Variants in UBE2E1 observed in about 807,000 individuals in gnomAD.
The protein encoded by UBE2E1 is ubiquitin-conjugating enzyme E2 E1.
A neutral mutation model predicts 21.4 loss-of-function variants in UBE2E1; 6 were observed. The observed-to-expected ratio is 0.28, with a 90% CI of 0.15 to 0.55. The LOEUF (loss-of-function observed/expected upper bound fraction) is 0.55. Among genes scored for constraint, UBE2E1 ranks in the 20% least tolerant of loss-of-function variants. The probability of loss-of-function intolerance (pLI) is 0.93; values close to 1 mark genes in which losing one functional copy is unlikely to be tolerated. For missense variants in UBE2E1, 142 were observed against 236.5 expected, an observed-to-expected ratio of 0.60 and a Z score of 2.62; for synonymous variants, 87 against 82.7, an observed-to-expected ratio of 1.05 and a Z score of -0.28.
At chr3:23,837,045 A>G (rs1242237898) in intron 3 of UBE2E1, among the ~76,000 whole-genome samples, 1 of 152,190 alleles carries the variant, frequency 6.6e-6, no homozygotes. Context: ...CATAATAGCT[A>G]TGTAATTTGG....
In UBE2E1 at chr3:23,807,083, A is replaced by C. The variant is rs1307070214; in HGVS notation, c.-33-154A>C. 9.2e-6 allele frequency: 5 copies of C among 545,514 alleles called. No individual in the cohort carries two copies. In the African/African-American group the frequency reaches 9.6e-5, roughly 11 times the overall value. 33.8% of individuals were successfully genotyped at this position (545,514 alleles called of 1,614,324 possible). On this transcript the variant is annotated intron_variant, in intron 1 of 5. Transcript: ENST00000306627. ...AAACAAGCCGCGTCCGATTTGCAAA[A>C]GCCTTAATGGGCCTGCAGACTTTGA...
chr3:23,860,743 T>C lies in UBE2E1; in HGVS notation c.204-26824T>C, dbSNP rs190462855. 7.5e-4 allele frequency among the ~76,000 whole-genome samples: 115 copies of C among 152,338 alleles called. 1 individual carries two copies. The highest frequency in any genetic ancestry group is 4.4e-3 in the South Asian group (21 of 4,824). On this transcript the variant is annotated intron_variant, in intron 3 of 5. Transcript: ENST00000306627. ...CATCAAAATGGTGTTTTTTAAAGAA[T>C]ATGAAGCCTTATTTTTTAACTTCTT...
chr3:23,874,832 G>A (rs921185348), intron 3 of UBE2E1, among the ~76,000 whole-genome samples: 15 of 152,160 alleles, frequency 9.9e-5, no homozygotes, highest in South Asian at 8.3e-4. Context: ...AATCACTGCC[G>A]TACCCCCAAC....
intron 3 of UBE2E1, among the ~76,000 whole-genome samples, chr3:23,874,263 A>C (rs1223426092): frequency 6.6e-6 from 1 of 152,204 alleles, no homozygotes; most frequent in Non-Finnish European, 1.5e-5. Context: ...ATCCTTTTAA[A>C]ACTTTCTTTG....
In UBE2E1 at chr3:23,889,233, G is replaced by C; in HGVS notation, c.458G>C (p.Cys153Ser). 1.2e-6 allele frequency: 2 copies of C among 1,613,704 alleles called. No individual in the cohort carries two copies. The highest frequency in any genetic ancestry group is 1.7e-6 in the Non-Finnish European group (2 of 1,179,922). ...ATTTCTAAAGTCCTCCTTTCTATCT[G>C]CTCACTTCTTACAGACTGTAATCCT... ...LTISKVLLSI[C>S]SLLTDCNPAD... Residue 153 changes from cysteine to serine, a missense_variant, in exon 5 of 6, where the codon TGC becomes TCC. By Grantham distance (112) the Cys-to-Ser change is moderately radical. This residue lies in a region of UBE2E1 where 87 missense variants were observed against 184.9 expected (regional missense o/e 0.47). Coordinates refer to ENST00000306627, the MANE Select transcript of UBE2E1 (RefSeq NM_003341.5).
intron 3 of UBE2E1, among the ~76,000 whole-genome samples, chr3:23,832,573 A>T (rs1361379316): frequency 6.6e-6 from 1 of 152,024 alleles, no homozygotes; most frequent in Non-Finnish European, 1.5e-5. Flanking sequence ...TGAACCCGGG[A>T]GGTGGAGGTT....
intron 3 of UBE2E1, among the ~76,000 whole-genome samples, chr3:23,820,943 C>A (rs1169008316): frequency 6.6e-6 from 1 of 152,138 alleles, no homozygotes; most frequent in Admixed American, 6.5e-5. Flanking sequence ...AATAGAGTAA[C>A]TTGGGATGAT....
chr3:23,812,802 T>C (rs60966980), intron 3 of UBE2E1, among the ~76,000 whole-genome samples: 2,358 of 152,260 alleles, frequency 0.015, 70 homozygotes, highest in African/African-American at 0.054. Flanking sequence ...CCTTGGTTGT[T>C]TGTGTGGAAT....
chr3:23,818,583 C>G (rs1470509974), intron 3 of UBE2E1, among the ~76,000 whole-genome samples: 2 of 152,196 alleles, frequency 1.3e-5, no homozygotes, highest in African/African-American at 2.4e-5. Flanking sequence ...TGCTCTGTCT[C>G]TCTCTTATCT....
At chr3:23,813,774 C>A (rs1398814455) in intron 3 of UBE2E1, among the ~76,000 whole-genome samples, 8 of 152,168 alleles carry the variant, frequency 5.3e-5, no homozygotes, top group Admixed American at 6.5e-5. Context: ...AACTCCTGAC[C>A]TTGTGATCTG....
Position 23,810,668 on chromosome 3 carries a change from G to C in UBE2E1, c.153-792G>C, listed in dbSNP as rs951879366. ...GGGGGTGTTCGCGCCCTGCTTTCGCGCGCGGTCTCGGGCCAAGGTTCTGGG... is the reference window on the plus strand; with the variant it reads ...GGGGGTGTTCGCGCCCTGCTTTCGCCCGCGGTCTCGGGCCAAGGTTCTGGG... On this transcript the variant is annotated intron_variant, in intron 2 of 5. Coordinates refer to ENST00000306627, the MANE Select transcript of UBE2E1 (RefSeq NM_003341.5). The surrounding 1 kb of genome is among the most constrained non-coding windows in gnomAD (Gnocchi z 5.8). The C allele has an allele frequency of 1.3e-4, 103 of 791,920 alleles. No homozygotes were observed. Among genetic ancestry groups the C allele is most frequent in the Non-Finnish European group, 1.8e-4 (95 of 532,124 alleles). The allele number at this position is 791,920 out of a possible 1,614,324, so 49.1% of individuals were successfully genotyped here.
intron 3 of UBE2E1, among the ~76,000 whole-genome samples, chr3:23,845,581 C>CTGTG (rs1343231599): frequency 6.8e-4 from 33 of 48,496 alleles, no homozygotes; most frequent in Middle Eastern, 0.024. Flanking sequence ...CTCTCTCTCT[C>CTGTG]TCTCTCTCTG....
rs1309616713 is a variant in UBE2E1, at chr3:23,810,337, G to C, written c.153-1123G>C. On this transcript the variant is annotated intron_variant, in intron 2 of 5. Transcript: ENST00000306627. This position sits in a 1 kb window ranked among gnomAD's most constrained non-coding sequence, Gnocchi z 5.8. The stretch of plus-strand genomic sequence containing the variant: ...AGTGCCTAGGTAAGCAAAAGACAAA[G>C]GCCAGGGCTTGGTGTGAACTGCCTG... 1.7e-6 allele frequency: 2 copies of C among 1,196,210 alleles called. No individual in the cohort carries two copies. Among genetic ancestry groups the C allele is most frequent in the African/African-American group, 3.0e-5 (2 of 66,072 alleles). 74.1% of individuals were successfully genotyped at this position (1,196,210 alleles called of 1,614,324 possible). A position where few individuals can be genotyped will look rare whatever the true frequency, so the allele number is the denominator to read the frequency against.
At chr3:23,855,779 A>G (rs1385528500) in intron 3 of UBE2E1, among the ~76,000 whole-genome samples, 2 of 151,990 alleles carry the variant, frequency 1.3e-5, no homozygotes, top group Admixed American at 1.3e-4. Context: ...GCAGTGAGCC[A>G]AGATCATGCC....
In UBE2E1 at chr3:23,807,262, G is replaced by T; in HGVS notation, c.-8G>T. The T allele has an allele frequency of 6.2e-7, 1 of 1,610,522 alleles. No individual in the cohort carries two copies. Among genetic ancestry groups the T allele is most frequent in the South Asian group, 1.1e-5 (1 of 90,838 alleles). On this transcript the variant is annotated 5_prime_UTR_variant, in exon 2 of 6. Transcript: ENST00000306627. Reference sequence around the variant, plus strand: ...GGGCTGTTTGCGGGGTGGGGTGGGGGGTTCGCTATGTCGGATGACGATTCG... The same window carrying T: ...GGGCTGTTTGCGGGGTGGGGTGGGGTGTTCGCTATGTCGGATGACGATTCG...
chr3:23,806,754 A>T lies in UBE2E1; in HGVS notation c.-33-483A>T. On this transcript the variant is annotated intron_variant, in intron 1 of 5. Coordinates refer to ENST00000306627, the MANE Select transcript of UBE2E1 (RefSeq NM_003341.5). The surrounding 1 kb of genome is among the most constrained non-coding windows in gnomAD (Gnocchi z 6.5). Reference sequence around the variant, plus strand: ...TCCCCCTGTTTCGGCTTCCTCTCTTACTCCTTCCCGCCCCTCCTCTCTTCC... The same window carrying T: ...TCCCCCTGTTTCGGCTTCCTCTCTTTCTCCTTCCCGCCCCTCCTCTCTTCC... 8.2e-6 allele frequency: 1 copy of T among 122,264 alleles called. No individual in the cohort carries two copies. The highest frequency in any genetic ancestry group is 1.7e-5 in the Non-Finnish European group (1 of 60,424). 7.6% of individuals were successfully genotyped at this position (122,264 alleles called of 1,614,324 possible).
chr3:23,810,441 C>G lies in UBE2E1; in HGVS notation c.153-1019C>G. 6.5e-7 allele frequency: 1 copy of G among 1,535,498 alleles called. No homozygotes were observed. The highest frequency in any genetic ancestry group is 8.7e-7 in the Non-Finnish European group (1 of 1,146,516). On this transcript the variant is annotated intron_variant, in intron 2 of 5. Transcript: ENST00000306627. This position sits in a 1 kb window ranked among gnomAD's most constrained non-coding sequence, Gnocchi z 5.8. ...TGCGGAGGGAGAAAACTGCAGGTCT[C>G]CAGTCTATCCCCAGTGTGAGCTAGA...
intron 3 of UBE2E1, among the ~76,000 whole-genome samples, chr3:23,822,573 A>G (rs927553087): frequency 1.3e-5 from 2 of 152,220 alleles, no homozygotes; most frequent in African/African-American, 2.4e-5. Flanking sequence ...GCATGTTACA[A>G]GTAAATAGTG....
intron 3 of UBE2E1, among the ~76,000 whole-genome samples, chr3:23,814,545 A>G (rs574542989): frequency 2.0e-5 from 3 of 152,014 alleles, no homozygotes; most frequent in African/African-American, 7.2e-5. Context: ...CTCACTCTTC[A>G]TTTTGGTTAG....
Sources: gnomAD v4.1 joint callset for allele counts (sites outside exome capture counted in the v4.1 genomes callset) on GRCh38, gnomAD v4.1.1 for gene constraint, gnomAD v4.1.1 regional missense constraint, Gnocchi (gnomAD v3.1) non-coding constraint, MANE v1.5 for transcripts, NCBI Gene and HGNC (gene_info 2026-07-23, HGNC 2026-07-21) for gene names.